The following AMPH variants were observed in gnomAD, a reference collection of about 807,000 sequenced individuals.
AMPH encodes amphiphysin (Stiff-Mann syndrome with breast cancer 128kD autoantigen).
In AMPH, 49 loss-of-function variants were observed where a neutral mutation model predicts 99.1. The ratio of observed to expected loss-of-function variants is 0.49; its 90% CI spans 0.39 to 0.63. AMPH has a LOEUF of 0.63. Ranked by LOEUF, AMPH falls within the 20% of genes least tolerant of loss-of-function variation. AMPH has a pLI of 0.00. For missense variants in AMPH, 759 were observed against 863.4 expected (o/e 0.88, Z 1.52); for synonymous variants, 314 against 317.3 (o/e 0.99, Z 0.11).
In AMPH at chr7:38,426,953, C is replaced by A. The variant is rs1376303278; in HGVS notation, c.1215+1G>T. Reference sequence around the variant, plus strand: ...ATCTTGTAAGAAAACAGATTCCTTACCTGTGTGAATCCATTAAATGAACCA... The same window carrying A: ...ATCTTGTAAGAAAACAGATTCCTTAACTGTGTGAATCCATTAAATGAACCA... On this transcript the variant is annotated splice_donor_variant, in intron 15 of 20. Coordinates refer to ENST00000356264, the MANE Select transcript of AMPH (RefSeq NM_001635.4). LOFTEE classifies it high-confidence loss of function. 1 of 1,612,614 alleles carries A rather than the reference C, an allele frequency of 6.2e-7. No homozygotes were observed. Among genetic ancestry groups the A allele is most frequent in the Admixed American group, 1.7e-5 (1 of 59,936 alleles).
chr7:38,395,840 C>T (rs923676124), intron 17 of AMPH, among the ~76,000 whole-genome samples: 2 of 151,144 alleles, frequency 1.3e-5, no homozygotes, highest in Non-Finnish European at 3.0e-5. Context: ...AGAACATGAA[C>T]CACACATCTA....
At chr7:38,400,467 A>C (rs980024553) in intron 17 of AMPH, among the ~76,000 whole-genome samples, 13 of 152,272 alleles carry the variant, frequency 8.5e-5, no homozygotes, top group African/African-American at 2.2e-4. Flanking sequence ...CCTAAACACC[A>C]GTTTAAATTT....
chr7:38,456,280 C>T (rs1417501977), intron 11 of AMPH, among the ~76,000 whole-genome samples: 2 of 152,208 alleles, frequency 1.3e-5, no homozygotes, highest in East Asian at 1.9e-4. Flanking sequence ...CCATGAGAGG[C>T]TTTGACCTCC....
chr7:38,405,375 A>G (rs556316437), intron 17 of AMPH, among the ~76,000 whole-genome samples: 44 of 152,196 alleles, frequency 2.9e-4, no homozygotes, highest in Non-Finnish European at 5.7e-4. Flanking sequence ...ACTTGAGCAT[A>G]AATAGCCTTA....
chr7:38,525,550 T>G (rs1285075808), intron 2 of AMPH, among the ~76,000 whole-genome samples: 1 of 151,342 alleles, frequency 6.6e-6, no homozygotes, highest in African/African-American at 2.4e-5. Flanking sequence ...ATACAGAACT[T>G]TCCAGTCAGG....
intron 7 of AMPH, among the ~76,000 whole-genome samples, chr7:38,467,723 C>T (rs1787717547): frequency 6.6e-6 from 1 of 150,636 alleles, no homozygotes; most frequent in Non-Finnish European, 1.5e-5. Context: ...AAATAAGCAG[C>T]TTATAAAACC....
chr7:38,403,012 A>G (rs1378417200), intron 17 of AMPH, among the ~76,000 whole-genome samples: 2 of 152,124 alleles, frequency 1.3e-5, no homozygotes, highest in Non-Finnish European at 2.9e-5. Flanking sequence ...CCAATGATAA[A>G]TTTCATTTTT....
At chr7:38,412,867 G>T (rs913265661) in intron 17 of AMPH, among the ~76,000 whole-genome samples, 1 of 152,158 alleles carries the variant, frequency 6.6e-6, no homozygotes, top group Non-Finnish European at 1.5e-5. Flanking sequence ...GAGTATGAAG[G>T]TGCCTGGAAA....
At chr7:38,540,178 A>G (rs1790757872) in intron 1 of AMPH, among the ~76,000 whole-genome samples, 1 of 152,216 alleles carries the variant, frequency 6.6e-6, no homozygotes, top group Non-Finnish European at 1.5e-5. Context: ...TGCCTCGTGC[A>G]TTTTGGTTTA....
intron 12 of AMPH, among the ~76,000 whole-genome samples, chr7:38,436,003 G>A (rs189450934): frequency 4.6e-5 from 7 of 152,170 alleles, no homozygotes; most frequent in South Asian, 2.1e-4. Flanking sequence ...TGAGTGCAAC[G>A]TGGGCACTGG....
chr7:38,576,905 G>C (rs566610522), intron 1 of AMPH, among the ~76,000 whole-genome samples: 1 of 152,254 alleles, frequency 6.6e-6, no homozygotes, highest in South Asian at 2.1e-4. Context: ...CAAAGGAAAT[G>C]ATAATATCTA....
At chr7:38,504,635 C>T (rs908805344) in intron 2 of AMPH, among the ~76,000 whole-genome samples, 3 of 152,270 alleles carry the variant, frequency 2.0e-5, no homozygotes, top group South Asian at 2.1e-4. Flanking sequence ...GAAGCTGAGG[C>T]GTTTATCCAA....
chr7:38,427,401 G>T (rs540092724), intron 14 of AMPH, among the ~76,000 whole-genome samples: 2 of 152,240 alleles, frequency 1.3e-5, no homozygotes, highest in Non-Finnish European at 2.9e-5. Context: ...AGTTTCAGTG[G>T]GCCTGGGTTG....
At chr7:38,589,083 C>T (rs1792765329) in intron 1 of AMPH, among the ~76,000 whole-genome samples, 1 of 151,946 alleles carries the variant, frequency 6.6e-6, no homozygotes, top group Admixed American at 6.6e-5. Context: ...ATAGAAAATA[C>T]CATATTCCTA....
intron 19 of AMPH, among the ~76,000 whole-genome samples, chr7:38,390,862 T>C (rs1375155414): frequency 6.6e-6 from 1 of 152,042 alleles, no homozygotes; most frequent in Non-Finnish European, 1.5e-5. Context: ...GGTTTAGCTT[T>C]TCCTCCAAAT....
At chr7:38,599,402 T>G (rs1793168986) in intron 1 of AMPH, among the ~76,000 whole-genome samples, 1 of 152,212 alleles carries the variant, frequency 6.6e-6, no homozygotes, top group South Asian at 2.1e-4. Flanking sequence ...ACTTAATGAA[T>G]AGTAAATATA....
intron 1 of AMPH, among the ~76,000 whole-genome samples, chr7:38,565,979 A>G (rs545942166): frequency 1.1e-4 from 17 of 152,320 alleles, no homozygotes; most frequent in Non-Finnish European, 2.5e-4. Flanking sequence ...CAAAGAAAAG[A>G]TATCTTCATA....
intron 11 of AMPH, among the ~76,000 whole-genome samples, chr7:38,446,160 A>T (rs1368815307): frequency 6.6e-6 from 1 of 152,248 alleles, no homozygotes; most frequent in Admixed American, 6.5e-5. Flanking sequence ...TACATTAACC[A>T]TGCCAACTGT....
At chr7:38,400,927 T>A (rs969382065) in intron 17 of AMPH, among the ~76,000 whole-genome samples, 2 of 152,102 alleles carry the variant, frequency 1.3e-5, no homozygotes, top group Non-Finnish European at 2.9e-5. Flanking sequence ...AATTAAAAAA[T>A]TTTTTTCTAA....
Sources: allele counts gnomAD v4.1 joint callset (sites outside exome capture counted in the v4.1 genomes callset), GRCh38; gene constraint gnomAD v4.1.1; transcripts MANE v1.5; gene names NCBI Gene and HGNC (gene_info 2026-07-23, HGNC 2026-07-21).